The following TNPO3 variants were observed in gnomAD, a reference collection of about 807,000 sequenced individuals.
TNPO3 encodes the protein transportin-3.
Under a neutral mutation model 122.8 loss-of-function variants are expected in TNPO3, and 65 were observed. The observed-to-expected ratio is 0.53, with a 90% CI of 0.43 to 0.65. The LOEUF is 0.65. Ranked by LOEUF, TNPO3 falls within the 30% of genes least tolerant of loss-of-function variation. TNPO3 has a pLI of 0.00. For synonymous variants in TNPO3, 372 were observed against 411.2 expected (o/e 0.90, Z 1.15); for missense variants, 850 against 1,136.7 (o/e 0.75, Z 3.63).
intron 1 of TNPO3, among the ~76,000 whole-genome samples, chr7:129,041,018 A>G (rs76408499): frequency 0.045 from 6,824 of 152,242 alleles, 213 homozygotes; most frequent in Middle Eastern, 0.11. Flanking sequence ...CCCATACTAA[A>G]TGTTAAGGGT....
rs1381148844 is a variant in TNPO3, at chr7:128,957,234, G to A, written c.*21C>T. 7 of 1,613,828 alleles carry A rather than the reference G, an allele frequency of 4.3e-6. No individual in the cohort carries two copies. The highest frequency in any genetic ancestry group is 1.3e-5 in the African/African-American group (1 of 74,934). On this transcript the variant is annotated 3_prime_UTR_variant, in exon 22 of 23. Transcript: ENST00000265388. ...ACTATGTATCCTCACCTGGGTGACAGGCACAGTGCAGGAGTGTGAGCTATC... is the reference window on the plus strand; with the variant it reads ...ACTATGTATCCTCACCTGGGTGACAAGCACAGTGCAGGAGTGTGAGCTATC...
At chr7:129,023,320 T>C (rs1804751515) in intron 1 of TNPO3, among the ~76,000 whole-genome samples, 1 of 152,024 alleles carries the variant, frequency 6.6e-6, no homozygotes, top group South Asian at 2.1e-4. Flanking sequence ...ACTATTTATA[T>C]ACATACTTTT....
intron 4 of TNPO3, among the ~76,000 whole-genome samples, chr7:129,014,095 C>T (rs1001502469): frequency 6.6e-6 from 1 of 152,082 alleles, no homozygotes; most frequent in East Asian, 1.9e-4. Flanking sequence ...TTATTGAGTA[C>T]TTCAAAATAG....
intron 21 of TNPO3, among the ~76,000 whole-genome samples, chr7:128,960,292 C>T (rs887036681): frequency 6.6e-6 from 1 of 152,006 alleles, no homozygotes; most frequent in Non-Finnish European, 1.5e-5. Flanking sequence ...ATTTACTATA[C>T]TACACTTTTT....
chr7:129,021,543 T>G (rs1045341320), intron 1 of TNPO3, among the ~76,000 whole-genome samples: 3 of 151,734 alleles, frequency 2.0e-5, no homozygotes. Flanking sequence ...ACAAGTATAA[T>G]AGAGATGAAG....
At chr7:129,035,789 A>G (rs1806578848) in intron 1 of TNPO3, among the ~76,000 whole-genome samples, 1 of 152,184 alleles carries the variant, frequency 6.6e-6, no homozygotes, top group Non-Finnish European at 1.5e-5. Flanking sequence ...AGTAAAAATG[A>G]CAAATTATCG....
chr7:129,040,152 G>A (rs1318008051), intron 1 of TNPO3, among the ~76,000 whole-genome samples: 7 of 152,078 alleles, frequency 4.6e-5, no homozygotes, highest in Non-Finnish European at 1.0e-4. Context: ...CTACTCAGGA[G>A]GCTGAGGCAG....
rs1370905458 is a variant in TNPO3 at position 129,054,596 on chromosome 7, A to T, written c.120+55T>A. 24 of 1,604,802 alleles carry T rather than the reference A, an allele frequency of 1.5e-5. No homozygotes were observed. The East Asian group carries it at 5.4e-4, about 36-fold the overall frequency. ...GGGCTCAGGTTCTCCCCCGGAGCCTAGGTTCCACCCCGCCCCGGCCGTGCG... is the reference window on the plus strand; with the variant it reads ...GGGCTCAGGTTCTCCCCCGGAGCCTTGGTTCCACCCCGCCCCGGCCGTGCG... On this transcript the variant is annotated intron_variant, in intron 1 of 22. Coordinates refer to ENST00000265388, the MANE Select transcript of TNPO3 (RefSeq NM_012470.4).
chr7:129,032,578 A>C (rs1252294996), intron 1 of TNPO3, among the ~76,000 whole-genome samples: 2 of 152,212 alleles, frequency 1.3e-5, no homozygotes, highest in Non-Finnish European at 2.9e-5. Flanking sequence ...ACAATGAAAA[A>C]TCTGAAAAGA....
At chr7:128,981,450 T>C (rs1470617292) in intron 14 of TNPO3, among the ~76,000 whole-genome samples, 1 of 152,224 alleles carries the variant, frequency 6.6e-6, no homozygotes, top group Non-Finnish European at 1.5e-5. Flanking sequence ...AACTTCATTA[T>C]ATTTTTGTAC....
intron 22 of TNPO3, among the ~76,000 whole-genome samples, chr7:128,955,701 T>C (rs1796828791): frequency 6.6e-6 from 1 of 152,210 alleles, no homozygotes; most frequent in Non-Finnish European, 1.5e-5. Context: ...CCAGGGAAGC[T>C]TTGCCTCAGT....
At chr7:129,023,190 T>C (rs993494055) in intron 1 of TNPO3, among the ~76,000 whole-genome samples, 1 of 152,098 alleles carries the variant, frequency 6.6e-6, no homozygotes, top group Non-Finnish European at 1.5e-5. Flanking sequence ...GGATTCTCAG[T>C]ATGGAAGAAA....
At position 129,054,874 on chromosome 7, in the gene TNPO3, C is replaced by T. The variant is rs1472536849; in HGVS notation, c.-104G>A. 5 of 1,503,100 alleles carry T rather than the reference C, an allele frequency of 3.3e-6. No individual in the cohort carries two copies. The highest frequency in any genetic ancestry group is 4.5e-6 in the Non-Finnish European group (5 of 1,101,964). The allele number at this position is 1,503,100 out of a possible 1,614,324, so 93.1% of individuals were successfully genotyped here. On this transcript the variant is annotated 5_prime_UTR_variant, in exon 1 of 23. Transcript: ENST00000265388. ...CTCACTGTCTGGGCCACGGCCGCTCCCTGACTGGCGCCATCTCCTCCTCTT... is the reference window on the plus strand; with the variant it reads ...CTCACTGTCTGGGCCACGGCCGCTCTCTGACTGGCGCCATCTCCTCCTCTT...
Position 129,005,152 on chromosome 7 carries a change from C to T in TNPO3, c.560G>A (p.Cys187Tyr). 4.3e-6 allele frequency: 7 copies of T among 1,613,376 alleles called. No homozygotes were observed. Among genetic ancestry groups the T allele is most frequent in the South Asian group, 1.1e-5 (1 of 90,882 alleles). Reference sequence around the variant, plus strand: ...CTCATCTGTTCCTGCTTTTTCTACACAGGTCATCTGAATAGAGAAAAAAAC... The same window carrying T: ...CTCATCTGTTCCTGCTTTTTCTACATAGGTCATCTGAATAGAGAAAAAAAC... ...SSTVVSLLMT[C>Y]VEKAGTDEKM... The change falls in exon 5 of 23, where the codon TGT becomes TAT. Residue 187 changes from cysteine to tyrosine, a missense_variant. Cys to Tyr is a radical substitution (Grantham distance 194). Transcript: ENST00000265388.
intron 1 of TNPO3, among the ~76,000 whole-genome samples, chr7:129,021,072 T>C (rs572354576): frequency 7.9e-5 from 12 of 152,082 alleles, no homozygotes; most frequent in East Asian, 1.9e-4. Flanking sequence ...TGGAGGAGGT[T>C]TGGCCGGGCG....
rs185950766 is a variant in TNPO3, at chr7:128,997,349, G to A, written c.1158+40C>T. 5.3e-5 allele frequency: 85 copies of A among 1,606,146 alleles called. 1 individual carries two copies. In the East Asian group the frequency reaches 1.8e-3, roughly 33 times the overall value. ...CTTTTCAAGTTGGCACTGACAAGAGGAAGAAATTAAGATTTGAAGAGGTAG... is the reference window on the plus strand; with the variant it reads ...CTTTTCAAGTTGGCACTGACAAGAGAAAGAAATTAAGATTTGAAGAGGTAG... On this transcript the variant is annotated intron_variant, in intron 8 of 22. Coordinates refer to ENST00000265388, the MANE Select transcript of TNPO3 (RefSeq NM_012470.4).
At chr7:129,015,465 T>C (rs572282200) in intron 3 of TNPO3, among the ~76,000 whole-genome samples, 3 of 152,322 alleles carry the variant, frequency 2.0e-5, no homozygotes, top group African/African-American at 7.2e-5. Flanking sequence ...CATTAAAATA[T>C]ATATGCACTT....
intron 5 of TNPO3, among the ~76,000 whole-genome samples, chr7:129,003,361 A>C (rs1373400958): frequency 6.7e-6 from 1 of 149,174 alleles, no homozygotes; most frequent in East Asian, 1.9e-4. Flanking sequence ...TCATGGTCCA[A>C]ACATACAGCA....
chr7:129,003,296 G>GTT lies in TNPO3; in HGVS notation c.696+1719_696+1720insAA, dbSNP rs1299743179. On this transcript the variant is annotated intron_variant, in intron 5 of 22. Coordinates refer to ENST00000265388, the MANE Select transcript of TNPO3 (RefSeq NM_012470.4). ...ATATATGAAGTATTTTAATTTTTAG[G>GTT]GTTTTTTTTTTTTTTTTTTTTTAAG... 1.8e-3 allele frequency among the ~76,000 whole-genome samples: 193 copies of GTT among 107,670 alleles called. 6 individuals carry two copies. The highest frequency in any genetic ancestry group is 3.0e-3 in the East Asian group (12 of 4,056). 70.6% of individuals were successfully genotyped at this position (107,670 alleles called of 152,430 possible). A position where few individuals can be genotyped will look rare whatever the true frequency, so the allele number is the denominator to read the frequency against.
Sources: gnomAD v4.1 joint callset for allele counts (sites outside exome capture counted in the v4.1 genomes callset) on GRCh38, gnomAD v4.1.1 for gene constraint, MANE v1.5 for transcripts, NCBI Gene and HGNC (gene_info 2026-07-23, HGNC 2026-07-21) for gene names.